Variants in SEPTIN9 observed in about 807,000 individuals in gnomAD.
SEPTIN9 encodes septin 9.
SEPTIN9 carries 13 observed loss-of-function variants against 56.6 expected under a neutral mutation model. The observed-to-expected ratio is 0.23, with a 90% CI of 0.15 to 0.37. The LOEUF is 0.37. Among genes scored for constraint, SEPTIN9 ranks in the 10% least tolerant of loss-of-function variants. The probability of loss-of-function intolerance (pLI) is 1.00; values close to 1 mark genes in which losing one functional copy is unlikely to be tolerated. For synonymous variants in SEPTIN9, 332 were observed against 334.1 expected, an observed-to-expected ratio of 0.99 and a Z score of 0.07; for missense variants, 650 against 823.1, an observed-to-expected ratio of 0.79 and a Z score of 2.57.
intron 3 of SEPTIN9, among the ~76,000 whole-genome samples, chr17:77,466,920 C>T (rs186286608): frequency 6.6e-5 from 10 of 152,246 alleles, no homozygotes; most frequent in Admixed American, 5.2e-4. Flanking sequence ...GTGCTCAGCT[C>T]GGCCTCTGCA....
At chr17:77,488,573 G>T (rs1190748803) in intron 6 of SEPTIN9, among the ~76,000 whole-genome samples, 154 bp from the exon 7 acceptor site, 1 of 152,182 alleles carries the variant, frequency 6.6e-6, no homozygotes, top group Admixed American at 6.5e-5. Flanking sequence ...GAGGCCGAGG[G>T]TAAGGCTGTG....
rs983798156 is a variant in SEPTIN9 at position 77,310,117 on chromosome 17, T to C, written c.76+2920T>C. On this transcript the variant is annotated intron_variant, in intron 2 of 11. Transcript: ENST00000427177. This position sits in a 1 kb window ranked among gnomAD's most constrained non-coding sequence, Gnocchi z 4.7. ...CCTCAGCCTCCTCAGTAGCCAGGAT[T>C]ACAGGCACCCGCCACCATGTCTGGC... 3.9e-5 allele frequency among the ~76,000 whole-genome samples: 6 copies of C among 152,080 alleles called. No individual in the cohort carries two copies. Among genetic ancestry groups the C allele is most frequent in the Non-Finnish European group, 8.8e-5 (6 of 68,024 alleles).
rs992996831 is a variant in SEPTIN9, at chr17:77,327,341, C to T, written c.76+20144C>T. On this transcript the variant is annotated intron_variant, in intron 2 of 11. Transcript: ENST00000427177. The surrounding 1 kb of genome is among the most constrained non-coding windows in gnomAD (Gnocchi z 5.0). Reference sequence around the variant, plus strand: ...TCTTGCTCTGGGCACCCCCCCACTCCGAACGGCCAGAGCTTCTGAAGCCGC... The same window carrying T: ...TCTTGCTCTGGGCACCCCCCCACTCTGAACGGCCAGAGCTTCTGAAGCCGC... Among the ~76,000 whole-genome samples the T allele has an allele frequency of 2.6e-5, 4 of 152,308 alleles. No homozygotes were observed. The highest frequency in any genetic ancestry group is 6.5e-5 in the Admixed American group (1 of 15,312).
intron 3 of SEPTIN9, among the ~76,000 whole-genome samples, chr17:77,460,064 C>T (rs1486249116): frequency 6.6e-6 from 1 of 151,998 alleles, no homozygotes; most frequent in Non-Finnish European, 1.5e-5. Flanking sequence ...CCCCCATGAC[C>T]CAAGCCCCAC....
At chr17:77,491,406 C>T (rs1467540495) in intron 8 of SEPTIN9, among the ~76,000 whole-genome samples, 1 of 151,954 alleles carries the variant, frequency 6.6e-6, no homozygotes, top group Non-Finnish European at 1.5e-5. Context: ...CCATGTTGCC[C>T]AGGCTGGTCT....
rs2038225275 is a variant in SEPTIN9 at position 77,456,818 on chromosome 17, C to T, written c.722-25326C>T. Among the ~76,000 whole-genome samples the T allele has an allele frequency of 6.6e-6, 1 of 151,858 alleles. No individual in the cohort carries two copies. Among genetic ancestry groups the T allele is most frequent in the Non-Finnish European group, 1.5e-5 (1 of 67,954 alleles). Reference sequence around the variant, plus strand: ...CTCAGGGACCAGCGCTGGGTCCCCACAGCCAAGGACAAGTCCCCACGGCCA... The same window carrying T: ...CTCAGGGACCAGCGCTGGGTCCCCATAGCCAAGGACAAGTCCCCACGGCCA... On this transcript the variant is annotated intron_variant, in intron 3 of 11. Coordinates refer to ENST00000427177, the MANE Select transcript of SEPTIN9 (RefSeq NM_001113491.2). The surrounding 1 kb of genome is among the most constrained non-coding windows in gnomAD (Gnocchi z 6.0).
chr17:77,433,187 C>T lies in SEPTIN9; in HGVS notation c.721+30484C>T, dbSNP rs917557038. Among the ~76,000 whole-genome samples, 1 of 152,152 alleles carries T rather than the reference C, an allele frequency of 6.6e-6. No homozygotes were observed. Among genetic ancestry groups the T allele is most frequent in the Non-Finnish European group, 1.5e-5 (1 of 68,028 alleles). On this transcript the variant is annotated intron_variant, in intron 3 of 11. Coordinates refer to ENST00000427177, the MANE Select transcript of SEPTIN9 (RefSeq NM_001113491.2). This position sits in a 1 kb window ranked among gnomAD's most constrained non-coding sequence, Gnocchi z 6.4. Reference sequence around the variant, plus strand: ...CATCGAGGATGCTGTGGGGGATCCTCCATCCCACCATCTCCAGCCGTGGTG... The same window carrying T: ...CATCGAGGATGCTGTGGGGGATCCTTCATCCCACCATCTCCAGCCGTGGTG...
chr17:77,306,484 G>A (rs1431856138), intron 1 of SEPTIN9, among the ~76,000 whole-genome samples: 1 of 152,268 alleles, frequency 6.6e-6, no homozygotes, highest in Non-Finnish European at 1.5e-5. Context: ...TCTCCAACAA[G>A]CAGCCCCAGG....
chr17:77,430,203 C>T (rs372250496), intron 3 of SEPTIN9, among the ~76,000 whole-genome samples: 11 of 152,166 alleles, frequency 7.2e-5, no homozygotes, highest in African/African-American at 2.4e-4. Context: ...ACCCTCCCCC[C>T]GCCAGCTCCA....
At chr17:77,432,825 C>A (rs1015243936) in intron 3 of SEPTIN9, among the ~76,000 whole-genome samples, 1 of 152,248 alleles carries the variant, frequency 6.6e-6, no homozygotes, top group Non-Finnish European at 1.5e-5. Flanking sequence ...ACCACCGCGG[C>A]GGCTGAGCAG....
In SEPTIN9 at chr17:77,281,540, A is replaced by G; in HGVS notation, c.5A>G (p.Lys2Arg). 6.5e-7 allele frequency: 1 copy of G among 1,550,256 alleles called. No individual in the cohort carries two copies. Among genetic ancestry groups the G allele is most frequent in the South Asian group, 1.2e-5 (1 of 83,968 alleles). The change falls in exon 1 of 12, where the codon AAG becomes AGG. Residue 2 changes from lysine (K) to arginine (R), a missense_variant. Lys to Arg is a conservative substitution (Grantham distance 26, BLOSUM62 2). Coordinates refer to ENST00000427177, the MANE Select transcript of SEPTIN9 (RefSeq NM_001113491.2). M[K>R]KSYSGGTRTS... ...AGCGGCGGCCACGGAGGCACCATGA[A>G]GAAGTCTTACTCAGGTGGGCTTCGC...
At chr17:77,294,524 T>A (rs909618483) in intron 1 of SEPTIN9, 7 of 170,470 alleles carry the variant, frequency 4.1e-5, no homozygotes, top group African/African-American at 1.4e-4. Flanking sequence ...CAACATGGAG[T>A]TGGTGGTGCT....
intron 1 of SEPTIN9, among the ~76,000 whole-genome samples, chr17:77,303,837 G>A (rs572626565): frequency 3.3e-5 from 5 of 152,238 alleles, no homozygotes; most frequent in Admixed American, 2.6e-4. Context: ...TGAGACTCAG[G>A]AAATGGAAGT....
At position 77,329,338 on chromosome 17, in the gene SEPTIN9, A is replaced by G. The variant is rs1788961814; in HGVS notation, c.76+22141A>G. Among the ~76,000 whole-genome samples, 1 of 152,140 alleles carries G rather than the reference A, an allele frequency of 6.6e-6. No individual in the cohort carries two copies. Among genetic ancestry groups the G allele is most frequent in the African/African-American group, 2.4e-5 (1 of 41,420 alleles). On this transcript the variant is annotated intron_variant, in intron 2 of 11. Coordinates refer to ENST00000427177, the MANE Select transcript of SEPTIN9 (RefSeq NM_001113491.2). The surrounding 1 kb of genome is among the most constrained non-coding windows in gnomAD (Gnocchi z 4.3). Reference sequence around the variant, plus strand: ...ACCCACCTGCCTGGCTGCCCCCGTCAGCATCCAGCAGAGGCCACTGGATGC... The same window carrying G: ...ACCCACCTGCCTGGCTGCCCCCGTCGGCATCCAGCAGAGGCCACTGGATGC...
intron 4 of SEPTIN9, among the ~76,000 whole-genome samples, chr17:77,486,064 C>T (rs972974719): frequency 1.3e-5 from 2 of 152,168 alleles, no homozygotes; most frequent in Non-Finnish European, 2.9e-5. Flanking sequence ...AATCCACCCT[C>T]CTCAGCCTCC....
At chr17:77,404,895 G>C (rs1227967456) in intron 3 of SEPTIN9, among the ~76,000 whole-genome samples, 1 of 152,230 alleles carries the variant, frequency 6.6e-6, no homozygotes, top group Non-Finnish European at 1.5e-5. Flanking sequence ...GTTGCTGGTG[G>C]CATGGTGTCA....
At chr17:77,324,196 C>G (rs2033048006) in intron 2 of SEPTIN9, among the ~76,000 whole-genome samples, 1 of 152,220 alleles carries the variant, frequency 6.6e-6, no homozygotes, top group African/African-American at 2.4e-5. Context: ...GATTTAGGGC[C>G]CACTGGGTAA....
chr17:77,321,398 C>CTT (rs770723911), intron 2 of SEPTIN9, among the ~76,000 whole-genome samples: 4 of 141,964 alleles, frequency 2.8e-5, no homozygotes, highest in Non-Finnish European at 4.6e-5. Flanking sequence ...AGGGCCACAT[C>CTT]TTTTTTTTTT....
intron 3 of SEPTIN9, among the ~76,000 whole-genome samples, chr17:77,423,649 C>T (rs569533096): frequency 1.3e-5 from 2 of 152,326 alleles, no homozygotes; most frequent in Admixed American, 1.3e-4. Flanking sequence ...CCCGGCTCCG[C>T]GCGGAGATCA....
Sources: gnomAD v4.1 joint callset for allele counts (sites outside exome capture counted in the v4.1 genomes callset) on GRCh38, gnomAD v4.1.1 for gene constraint, Gnocchi (gnomAD v3.1) non-coding constraint, MANE v1.5 for transcripts, NCBI Gene and HGNC (gene_info 2026-07-23, HGNC 2026-07-21) for gene names.